Variants in SV2B observed in about 807,000 individuals in gnomAD.
SV2B encodes the protein synaptic vesicle glycoprotein 2B.
SV2B carries 41 observed loss-of-function variants against 73.9 expected under a neutral mutation model. That is an observed-to-expected ratio of 0.56 (90% CI 0.43 to 0.72). The LOEUF is 0.72. Among genes scored for constraint, SV2B ranks in the 30% least tolerant of loss-of-function variants. SV2B has a pLI of 0.00. For synonymous variants in SV2B, 314 were observed against 314.2 expected, an observed-to-expected ratio of 1.00 and a Z score of 0.01; for missense variants, 764 against 857.8, an observed-to-expected ratio of 0.89 and a Z score of 1.37.
rs201030870 is a variant in SV2B, at chr15:91,137,638, A to T, written c.-392+37275A>T. Among the ~76,000 whole-genome samples, 1 of 140,044 alleles carries T rather than the reference A, an allele frequency of 7.1e-6. No individual in the cohort carries two copies. 91.9% of individuals were successfully genotyped at this position (140,044 alleles called of 152,430 possible). ...TATATTTCATATATACATATATTTC[A>T]TATATACATATATATTTCATATATA... On this transcript the variant is annotated intron_variant, in intron 1 of 12. Coordinates refer to ENST00000394232, the MANE Select transcript of SV2B (RefSeq NM_001323032.3). This position sits in a 1 kb window ranked among gnomAD's most constrained non-coding sequence, Gnocchi z 4.9.
At chr15:91,103,277 T>G (rs890516130) in intron 1 of SV2B, among the ~76,000 whole-genome samples, 1 of 152,156 alleles carries the variant, frequency 6.6e-6, no homozygotes, top group Non-Finnish European at 1.5e-5. Flanking sequence ...CATTCAGATT[T>G]CTCCCATCCG....
intron 1 of SV2B, among the ~76,000 whole-genome samples, chr15:91,215,229 C>A (rs1213725751): frequency 6.6e-6 from 1 of 152,214 alleles, no homozygotes; most frequent in Admixed American, 6.5e-5. Flanking sequence ...GTGAGGTCTT[C>A]TTTGGCCTTG....
intron 1 of SV2B, among the ~76,000 whole-genome samples, chr15:91,172,179 C>T (rs2044144644): frequency 6.6e-6 from 1 of 152,220 alleles, no homozygotes; most frequent in Non-Finnish European, 1.5e-5. Context: ...TCTTCTCGGC[C>T]TGGCCACAGC....
intron 9 of SV2B, among the ~76,000 whole-genome samples, chr15:91,276,799 G>GTTATTATTATTATTA (rs1290710147): frequency 7.8e-5 from 6 of 77,348 alleles, no homozygotes; most frequent in African/African-American, 3.2e-4. Context: ...TTATATTATT[G>GTTATTATTATTATTA]TTGTTGTTAT....
At position 91,242,185 on chromosome 15, in the gene SV2B, C is replaced by T. The variant is rs528779253; in HGVS notation, c.452-9634C>T. On this transcript the variant is annotated intron_variant, in intron 2 of 12. Transcript: ENST00000394232. The surrounding 1 kb of genome is among the most constrained non-coding windows in gnomAD (Gnocchi z 4.9). ...CTCTGTCTCCTCGTTTTCCACCTGC[C>T]CATTGGCTGCTCCTTCTTGTTCTCC... 1.3e-5 allele frequency among the ~76,000 whole-genome samples: 2 copies of T among 152,292 alleles called. No homozygotes were observed. The highest frequency in any genetic ancestry group is 4.1e-4 in the South Asian group (2 of 4,822).
chr15:91,188,121 G>A (rs1304015007), intron 1 of SV2B, among the ~76,000 whole-genome samples: 1 of 151,496 alleles, frequency 6.6e-6, no homozygotes, highest in African/African-American at 2.4e-5. Context: ...ATTTTAAAAT[G>A]AATAATTATA....
chr15:91,158,935 G>T (rs2043612838), intron 1 of SV2B, among the ~76,000 whole-genome samples: 1 of 151,658 alleles, frequency 6.6e-6, no homozygotes, highest in Admixed American at 6.6e-5. Flanking sequence ...TTAGTTCAAG[G>T]TACTCTAATA....
Position 91,245,475 on chromosome 15 carries a change from T to G in SV2B, c.452-6344T>G, listed in dbSNP as rs189456211. ...CCTGCTGACAACAGCTGTCTCTGAG[T>G]GGTGGTATGATGAATAGATTATTGC... On this transcript the variant is annotated intron_variant, in intron 2 of 12. Transcript: ENST00000394232. This position sits in a 1 kb window ranked among gnomAD's most constrained non-coding sequence, Gnocchi z 4.2. 2.5e-4 allele frequency among the ~76,000 whole-genome samples: 38 copies of G among 150,782 alleles called. No homozygotes were observed. Among genetic ancestry groups the G allele is most frequent in the Non-Finnish European group, 2.4e-4 (16 of 67,156 alleles).
rs1596649260 is a variant in SV2B at position 91,236,134 on chromosome 15, T to A, written c.451+9420T>A. ...TTAAAGCAAGGATGTCTCAGGACAT[T>A]CTGTCCACTTTGCCTGCAGAATATC... On this transcript the variant is annotated intron_variant, in intron 2 of 12. Coordinates refer to ENST00000394232, the MANE Select transcript of SV2B (RefSeq NM_001323032.3). This position sits in a 1 kb window ranked among gnomAD's most constrained non-coding sequence, Gnocchi z 4.1. 6.6e-6 allele frequency among the ~76,000 whole-genome samples: 1 copy of A among 152,216 alleles called. No homozygotes were observed. The highest frequency in any genetic ancestry group is 1.9e-4 in the East Asian group (1 of 5,194).
intron 1 of SV2B, among the ~76,000 whole-genome samples, chr15:91,186,716 G>A (rs535372257): frequency 6.6e-6 from 1 of 152,214 alleles, no homozygotes; most frequent in East Asian, 1.9e-4. Flanking sequence ...AGAAGGCTGT[G>A]GGGGGTGAGG....
At chr15:91,262,277 A>C (rs183623086) in intron 6 of SV2B, among the ~76,000 whole-genome samples, 3 of 152,236 alleles carry the variant, frequency 2.0e-5, no homozygotes, top group Non-Finnish European at 2.9e-5. Flanking sequence ...AAACAAAAAC[A>C]AAAACCGGTG....
chr15:91,225,341 A>G (rs2046338081), intron 1 of SV2B, among the ~76,000 whole-genome samples: 1 of 152,192 alleles, frequency 6.6e-6, no homozygotes, highest in South Asian at 2.1e-4. Context: ...CTAGATGTTA[A>G]ATCGTACAGC....
At chr15:91,193,419 A>C (rs556357628) in intron 1 of SV2B, among the ~76,000 whole-genome samples, 107 of 152,278 alleles carry the variant, frequency 7.0e-4, no homozygotes, top group African/African-American at 2.5e-3. Flanking sequence ...AAAAAAAAAC[A>C]AAAACAAAAA....
At position 91,288,066 on chromosome 15, in the gene SV2B, G is replaced by A. The variant is rs1321180528; in HGVS notation, c.1709-1455G>A. On this transcript the variant is annotated intron_variant, in intron 11 of 12. Transcript: ENST00000394232. The surrounding 1 kb of genome is among the most constrained non-coding windows in gnomAD (Gnocchi z 5.8). Reference sequence around the variant, plus strand: ...TGATAAGAAAGTCCATGGGGTTAGCGTGTAGAGGGTATGTACAGAGCACAT... The same window carrying A: ...TGATAAGAAAGTCCATGGGGTTAGCATGTAGAGGGTATGTACAGAGCACAT... 1.3e-5 allele frequency among the ~76,000 whole-genome samples: 2 copies of A among 152,146 alleles called. No homozygotes were observed. Among genetic ancestry groups the A allele is most frequent in the Admixed American group, 6.5e-5 (1 of 15,280 alleles).
At chr15:91,135,973 A>T (rs1217476269) in intron 1 of SV2B, among the ~76,000 whole-genome samples, 2 of 151,938 alleles carry the variant, frequency 1.3e-5, no homozygotes, top group Non-Finnish European at 2.9e-5. Context: ...GAACCACACG[A>T]TTGCAGCTTT....
At chr15:91,099,624 A>C (rs1232153015), upstream of SV2B, among the ~76,000 whole-genome samples, 4 of 152,092 alleles carry the variant, frequency 2.6e-5, no homozygotes, top group African/African-American at 9.7e-5. Context: ...AAGGAGGGAG[A>C]CAGAGGTGGA....
intron 1 of SV2B, among the ~76,000 whole-genome samples, chr15:91,180,743 T>C (rs189208414): frequency 3.3e-5 from 5 of 152,380 alleles, no homozygotes; most frequent in African/African-American, 1.2e-4. Context: ...TTCAGCTCCA[T>C]CAGCTCCTTT....
At position 91,281,119 on chromosome 15, in the gene SV2B, G is replaced by A. The variant is rs1354832760; in HGVS notation, c.1374-609G>A. ...AGTGTTACAATGAAGATCAGTGAAT[G>A]TATCTCTTTGAATACATGGGCAAGT... On this transcript the variant is annotated intron_variant, in intron 9 of 12. Transcript: ENST00000394232. This position sits in a 1 kb window ranked among gnomAD's most constrained non-coding sequence, Gnocchi z 4.7. Among the ~76,000 whole-genome samples the A allele has an allele frequency of 6.6e-6, 1 of 152,202 alleles. No homozygotes were observed. The highest frequency in any genetic ancestry group is 6.5e-5 in the Admixed American group (1 of 15,282).
chr15:91,155,483 C>T (rs772617534), intron 1 of SV2B, among the ~76,000 whole-genome samples: 2 of 152,160 alleles, frequency 1.3e-5, no homozygotes, highest in Non-Finnish European at 2.9e-5. Context: ...GGCAAGAAAC[C>T]AGCATTCCTT....
Sources: allele counts gnomAD v4.1 joint callset (sites outside exome capture counted in the v4.1 genomes callset), GRCh38; gene constraint gnomAD v4.1.1; non-coding constraint Gnocchi (gnomAD v3.1); transcripts MANE v1.5; gene names NCBI Gene and HGNC (gene_info 2026-07-23, HGNC 2026-07-21).